PPT1: variants seen among roughly 807,000 people sequenced by gnomAD.
PPT1 encodes palmitoyl-protein thioesterase 1.
Under a neutral mutation model 44.0 loss-of-function variants are expected in PPT1, and 24 were observed. The observed-to-expected ratio is 0.54, with a 90% CI of 0.39 to 0.77. PPT1 has a LOEUF of 0.77. Among genes scored for constraint, PPT1 ranks in the 30% least tolerant of loss-of-function variants. The pLI is 0.00. For synonymous variants in PPT1, 148 were observed against 140.2 expected (o/e 1.06, Z -0.39); for missense variants, 341 against 378.8 (o/e 0.90, Z 0.83).
chr1:40,073,451 T>C lies in PPT1; in HGVS notation c.*610A>G, dbSNP rs1347878753. ...TCCTTTTGTGACAGCAACTAATTCA[T>C]CACTACCTGAGGAGACAAAGTGGGT... On this transcript the variant is annotated 3_prime_UTR_variant, in exon 9 of 9. Coordinates refer to ENST00000642050, the MANE Select transcript of PPT1 (RefSeq NM_000310.4). 1 of 153,006 alleles carries C rather than the reference T, an allele frequency of 6.5e-6. No homozygotes were observed. The highest frequency in any genetic ancestry group is 1.5e-5 in the Non-Finnish European group (1 of 68,632). 9.5% of individuals were successfully genotyped at this position (153,006 alleles called of 1,614,324 possible).
chr1:40,084,873 A>T (rs1005935287), intron 5 of PPT1, among the ~76,000 whole-genome samples: 4 of 152,264 alleles, frequency 2.6e-5, no homozygotes, highest in Non-Finnish European at 5.9e-5. Context: ...GGACAGGGCC[A>T]CTAGAGGGCT....
chr1:40,085,927 A>G (rs899478175), intron 5 of PPT1, among the ~76,000 whole-genome samples: 1 of 152,206 alleles, frequency 6.6e-6, no homozygotes, highest in Non-Finnish European at 1.5e-5. Context: ...AATGGCTGAA[A>G]GTCTCTGAGA....
chr1:40,078,613 ACTT>A lies in PPT1; in HGVS notation c.670_672del (p.Lys224del). On this transcript the variant is annotated inframe_deletion, in exon 7 of 9. Transcript: ENST00000642050. Reference sequence around the variant, plus strand: ...TCATTGAGGAATTTCACCATCACAAACTTCTTCAGGGCCATCAGGTTTTTCTTG... The same window carrying A: ...TCATTGAGGAATTTCACCATCACAAACTTCAGGGCCATCAGGTTTTTCTTG... 6.2e-7 allele frequency: 1 copy of A among 1,613,922 alleles called. No homozygotes were observed.
chr1:40,091,596 G>A (rs1246583203), intron 3 of PPT1, among the ~76,000 whole-genome samples, 197 bp from the exon 4 acceptor site: 2 of 152,146 alleles, frequency 1.3e-5, no homozygotes, highest in African/African-American at 2.4e-5. Flanking sequence ...AGGCATGGTG[G>A]CTCACACCTG....
At position 40,073,724 on chromosome 1, in the gene PPT1, T is replaced by TATC; in HGVS notation, c.*334_*336dup. ...TGGAAAAATGTTTGCCCTTAGAATC[T>TATC]ATCTCACTACTTTAGTTAGTTGTCT... is the stretch of plus-strand genomic sequence containing the variant. On this transcript the variant is annotated 3_prime_UTR_variant, in exon 9 of 9. Coordinates refer to ENST00000642050, the MANE Select transcript of PPT1 (RefSeq NM_000310.4). The TATC allele has an allele frequency of 3.4e-6, 1 of 291,708 alleles. No individual in the cohort carries two copies. Among genetic ancestry groups the TATC allele is most frequent in the Non-Finnish European group, 6.7e-6 (1 of 150,340 alleles). The allele number at this position is 291,708 out of a possible 1,614,324, so 18.1% of individuals were successfully genotyped here.
At position 40,089,416 on chromosome 1, in the gene PPT1, T is replaced by C. The variant is rs774322285; in HGVS notation, c.530A>G (p.Gln177Arg). The part of the protein sequence containing the change: ...LNAGAYSKVV[Q>R]ERLVQAEYWH... ...TTCAGCTAACCATACATACCGTTCC[T>C]GAACAACTTTGGAGTACGCCCCAGC... Residue 177 changes from glutamine to arginine, a missense_variant, in exon 5 of 9, where the codon CAG (glutamine) becomes CGG (arginine). Physicochemically the swap from Gln to Arg is conservative, Grantham distance 43. Transcript: ENST00000642050. The C allele has an allele frequency of 3.1e-6, 5 of 1,613,832 alleles. No individual in the cohort carries two copies. The highest frequency in any genetic ancestry group is 2.2e-5 in the South Asian group (2 of 91,084).
intron 4 of PPT1, among the ~76,000 whole-genome samples, chr1:40,091,073 T>TAACCA (rs1413700909): frequency 6.6e-6 from 1 of 152,236 alleles, no homozygotes; most frequent in Non-Finnish European, 1.5e-5. Flanking sequence ...CACGTGGCTA[T>TAACCA]AACCATCTTA....
In PPT1 at chr1:40,097,101, TCTCA is replaced by T. The variant is rs768863525; in HGVS notation, c.124+10_124+13del. The T allele has an allele frequency of 7.4e-6, 12 of 1,613,848 alleles. No homozygotes were observed. The highest frequency in any genetic ancestry group is 1.6e-4 in the Middle Eastern group (1 of 6,078). On this transcript the variant is annotated intron_variant, in intron 1 of 8. Transcript: ENST00000642050. ...GAGAATCGCCAAACCCTTTTAAATT[TCTCA>T]CTCACTCACCCATCCCATGCCAGAT...
At chr1:40,072,559 G>A (rs1457213870), downstream of PPT1, 1 of 153,778 alleles carries the variant, frequency 6.5e-6, no homozygotes, top group Non-Finnish European at 1.5e-5. Flanking sequence ...ATTGTCCTGT[G>A]ATTTCTACCC....
downstream of PPT1, chr1:40,071,861 T>G (rs1648107365): frequency 2.2e-6 from 1 of 445,690 alleles, no homozygotes; most frequent in Admixed American, 3.8e-5. Context: ...AACAGTCCAT[T>G]GGAAAGAAAA....
chr1:40,090,390 A>G (rs1297324067), intron 4 of PPT1, among the ~76,000 whole-genome samples: 5 of 152,106 alleles, frequency 3.3e-5, no homozygotes, highest in Non-Finnish European at 5.9e-5. Flanking sequence ...ATATGTGTGT[A>G]TATATATGTC....
chr1:40,096,410 G>A (rs986344346), intron 1 of PPT1, among the ~76,000 whole-genome samples: 1 of 152,072 alleles, frequency 6.6e-6, no homozygotes, highest in Non-Finnish European at 1.5e-5. Flanking sequence ...ATGAATATAG[G>A]TTGAGCATCC....
intron 1 of PPT1, 21 bp from the exon 2 acceptor site, chr1:40,092,528 A>G: frequency 6.6e-7 from 1 of 1,523,740 alleles, no homozygotes; most frequent in Non-Finnish European, 9.1e-7. Flanking sequence ...AAACACAATG[A>G]TGGAAACTCA....
intron 5 of PPT1, among the ~76,000 whole-genome samples, chr1:40,085,406 C>T (rs984109295): frequency 5.9e-5 from 9 of 152,102 alleles, no homozygotes; most frequent in Non-Finnish European, 2.9e-5. Flanking sequence ...TAAATATCAG[C>T]GCAGCCTGGC....
chr1:40,078,518 T>C, intron 7 of PPT1, 42 bp downstream of exon 7: 1 of 1,579,392 alleles, frequency 6.3e-7, no homozygotes, highest in Non-Finnish European at 8.7e-7. Flanking sequence ...CCTATTTTAA[T>C]GCCATTTACT....
intron 5 of PPT1, among the ~76,000 whole-genome samples, chr1:40,085,017 G>A (rs532418465): frequency 5.9e-5 from 9 of 152,144 alleles, no homozygotes; most frequent in East Asian, 1.9e-4. Flanking sequence ...CCCTTTCCCC[G>A]GGGGAGTTTA....
chr1:40,088,832 A>C (rs756022270), intron 5 of PPT1, among the ~76,000 whole-genome samples: 2 of 152,228 alleles, frequency 1.3e-5, no homozygotes, highest in Admixed American at 6.5e-5. Context: ...TACTTTCTAA[A>C]GGCTTTCTGT....
At chr1:40,077,044 T>C in intron 7 of PPT1, 131 bp from the exon 8 acceptor site, 1 of 1,091,496 alleles carries the variant, frequency 9.2e-7, no homozygotes, top group African/African-American at 1.6e-5. Context: ...GAAGGAAAAA[T>C]GGATAGGGTG....
Position 40,092,462 on chromosome 1 carries a change from A to AT in PPT1, c.169dup (p.Met57AsnfsTer45), listed in dbSNP as rs386833634. 2.0e-5 allele frequency: 33 copies of AT among 1,613,724 alleles called. No individual in the cohort carries two copies. Among genetic ancestry groups the AT allele is most frequent in the Non-Finnish European group, 2.6e-5 (31 of 1,179,804 alleles). On this transcript the variant is annotated frameshift_variant, in exon 2 of 9. Transcript: ENST00000642050. LOFTEE classifies it high-confidence loss of function. ...AATTCCAGGTATTTTCTTCTCCACC[A>AT]TTTTTTTAATAGCACCCATGCTTAA...
Sources: allele counts gnomAD v4.1 joint callset (sites outside exome capture counted in the v4.1 genomes callset), GRCh38; gene constraint gnomAD v4.1.1; transcripts MANE v1.5; gene names NCBI Gene and HGNC (gene_info 2026-07-23, HGNC 2026-07-21).